PCMTD1: variants seen among roughly 807,000 people sequenced by gnomAD.
PCMTD1 encodes the protein protein-L-isoaspartate (D-aspartate) O-methyltransferase domain containing 1, also known as protein-L-isoaspartate O-methyltransferase domain-containing protein 1.
PCMTD1 carries 12 observed loss-of-function variants against 37.6 expected under a neutral mutation model. The ratio of observed to expected loss-of-function variants is 0.32; its 90% CI spans 0.20 to 0.52. The LOEUF is 0.52. Among genes scored for constraint, PCMTD1 ranks in the 20% least tolerant of loss-of-function variants. The pLI is 0.97. For missense variants in PCMTD1, 235 were observed against 421.3 expected, an observed-to-expected ratio of 0.56 and a Z score of 3.87; for synonymous variants, 117 against 135.8, an observed-to-expected ratio of 0.86 and a Z score of 0.96.
chr8:51,842,853 G>GTT (rs1347707220), intron 3 of PCMTD1, among the ~76,000 whole-genome samples: 2 of 152,082 alleles, frequency 1.3e-5, no homozygotes, highest in Non-Finnish European at 2.9e-5. Context: ...AGAATATTAG[G>GTT]TTTCAGCTAT....
intron 1 of PCMTD1, among the ~76,000 whole-genome samples, chr8:51,886,432 C>A (rs539625634): frequency 6.6e-6 from 1 of 152,280 alleles, no homozygotes; most frequent in South Asian, 2.1e-4. Context: ...TAGATTACTG[C>A]AATGAACTTC....
At chr8:51,848,789 G>A (rs990943735) in intron 2 of PCMTD1, among the ~76,000 whole-genome samples, 3 of 152,000 alleles carry the variant, frequency 2.0e-5, no homozygotes, top group Non-Finnish European at 4.4e-5. Flanking sequence ...CATTAATACT[G>A]AATTGTAAAC....
chr8:51,893,504 A>G (rs1193307177), intron 1 of PCMTD1, among the ~76,000 whole-genome samples: 2 of 152,224 alleles, frequency 1.3e-5, no homozygotes, highest in Non-Finnish European at 2.9e-5. Flanking sequence ...GTTGTACTCC[A>G]TCTTTCACAT....
chr8:51,859,017 C>A (rs756045209), intron 2 of PCMTD1, among the ~76,000 whole-genome samples: 25 of 152,182 alleles, frequency 1.6e-4, no homozygotes, highest in Non-Finnish European at 3.2e-4. Context: ...TCTAAGAAGG[C>A]AACCTCACTG....
At chr8:51,855,637 T>C (rs1345622255) in intron 2 of PCMTD1, among the ~76,000 whole-genome samples, 1 of 151,996 alleles carries the variant, frequency 6.6e-6, no homozygotes, top group African/African-American at 2.4e-5. Context: ...GTATATCTTA[T>C]ACAGAAACCT....
chr8:51,853,076 G>A (rs933112278), intron 2 of PCMTD1, among the ~76,000 whole-genome samples: 1 of 152,184 alleles, frequency 6.6e-6, no homozygotes, highest in Non-Finnish European at 1.5e-5. Flanking sequence ...GATGTTACTT[G>A]AAGAAAGACG....
chr8:51,888,175 T>C (rs1020325615), intron 1 of PCMTD1, among the ~76,000 whole-genome samples: 8 of 152,196 alleles, frequency 5.3e-5, no homozygotes, highest in African/African-American at 9.7e-5. Flanking sequence ...AGCTACCATA[T>C]AGATTCATTC....
rs2037814353 is a variant in PCMTD1, at chr8:51,819,588, TAG to T, written c.*761_*762del. Reference sequence around the variant, plus strand: ...TTCTAAATATACTTTTAAAATTCTATAGAGTTAAGATAACCTCATTTTTTTAA... The same window carrying T: ...TTCTAAATATACTTTTAAAATTCTATAGTTAAGATAACCTCATTTTTTTAA... On this transcript the variant is annotated 3_prime_UTR_variant, in exon 6 of 6. Transcript: ENST00000522514. The T allele has an allele frequency of 1.9e-5, 2 of 104,206 alleles. No individual in the cohort carries two copies. The highest frequency in any genetic ancestry group is 3.5e-4 in the South Asian group (1 of 2,882). 6.5% of individuals were successfully genotyped at this position (104,206 alleles called of 1,614,324 possible).
Position 51,820,118 on chromosome 8 carries a change from A to G in PCMTD1, c.*233T>C. 1 of 328,578 alleles carries G rather than the reference A, an allele frequency of 3.0e-6. No individual in the cohort carries two copies. Among genetic ancestry groups the G allele is most frequent in the Non-Finnish European group, 5.4e-6 (1 of 184,408 alleles). 20.4% of individuals were successfully genotyped at this position (328,578 alleles called of 1,614,324 possible). On this transcript the variant is annotated 3_prime_UTR_variant, in exon 6 of 6. Coordinates refer to ENST00000522514, the MANE Select transcript of PCMTD1 (RefSeq NM_052937.4). ...GACTACTGTTGCATTCCACTTTGAA[A>G]TCACTCTGAGCTAAAACAACATTTT...
intron 5 of PCMTD1, among the ~76,000 whole-genome samples, chr8:51,829,405 C>T (rs2037968511): frequency 6.6e-6 from 1 of 152,198 alleles, no homozygotes; most frequent in Non-Finnish European, 1.5e-5. Context: ...GTGTAAAAAG[C>T]AGCTGGCCAT....
rs1184097818 is a variant in PCMTD1, at chr8:51,831,323, CCACCAAATAT to C, written c.706+111_706+120del. ...AAAAAAAAAAAAAAGTTGAATAAATCCACCAAATATCTTACTGCATAAGTATTTAATTCTT... is the reference window on the plus strand; with the variant it reads ...AAAAAAAAAAAAAAGTTGAATAAATCCTTACTGCATAAGTATTTAATTCTT... On this transcript the variant is annotated intron_variant, in intron 5 of 5. Coordinates refer to ENST00000522514, the MANE Select transcript of PCMTD1 (RefSeq NM_052937.4). 6 of 1,046,512 alleles carry C rather than the reference CCACCAAATAT, an allele frequency of 5.7e-6. No individual in the cohort carries two copies. The African/African-American group carries it at 1.0e-4, about 18-fold the overall frequency. 64.8% of individuals were successfully genotyped at this position (1,046,512 alleles called of 1,614,324 possible).
chr8:51,833,621 T>C lies in PCMTD1; in HGVS notation c.479A>G (p.Tyr160Cys), dbSNP rs2038027190. 1 of 1,612,504 alleles carries C rather than the reference T, an allele frequency of 6.2e-7. No homozygotes were observed. The highest frequency in any genetic ancestry group is 1.3e-5 in the African/African-American group (1 of 74,900). The stretch of plus-strand genomic sequence containing the variant: ...TCCAGCTCCACAATAAATTCGATCA[T>C]ACTGATGACTGTCAGAAGCTATCTG... ...CLQIASDSHQ[Y>C]DRIYCGAGVQ... The change falls in exon 4 of 6, where the codon TAT (tyrosine) becomes TGT (cysteine). Residue 160 changes from tyrosine (Y) to cysteine (C), a missense_variant. Physicochemically the swap from Tyr to Cys is radical, Grantham distance 194. Coordinates refer to ENST00000522514, the MANE Select transcript of PCMTD1 (RefSeq NM_052937.4).
intron 1 of PCMTD1, among the ~76,000 whole-genome samples, chr8:51,877,700 T>C (rs74872588): frequency 0.034 from 5,119 of 152,272 alleles, 124 homozygotes; most frequent in Non-Finnish European, 0.054. Context: ...TGCCCTGAGA[T>C]GGACACTCAT....
intron 1 of PCMTD1, among the ~76,000 whole-genome samples, chr8:51,894,116 G>A (rs764088745): frequency 3.4e-4 from 51 of 152,034 alleles, no homozygotes; most frequent in Admixed American, 1.1e-3. Flanking sequence ...AGGGAAATAC[G>A]GTGTACGCTG....
chr8:51,830,317 T>C (rs1012769390), intron 5 of PCMTD1, among the ~76,000 whole-genome samples: 14 of 152,226 alleles, frequency 9.2e-5, no homozygotes, highest in African/African-American at 3.4e-4. Context: ...AACTTGCTCA[T>C]GAAGCAGGTT....
chr8:51,820,228 T>TG lies in PCMTD1; in HGVS notation c.*122dup. The stretch of plus-strand genomic sequence containing the variant: ...CATTTGTGTTACTGACAGAAACAAG[T>TG]GATTTTTTTTCCACTATAATTTGCT... On this transcript the variant is annotated 3_prime_UTR_variant, in exon 6 of 6. Coordinates refer to ENST00000522514, the MANE Select transcript of PCMTD1 (RefSeq NM_052937.4). 1 of 549,976 alleles carries TG rather than the reference T, an allele frequency of 1.8e-6. No homozygotes were observed. 34.1% of individuals were successfully genotyped at this position (549,976 alleles called of 1,614,324 possible). A position where few individuals can be genotyped will look rare whatever the true frequency, so the allele number is the denominator to read the frequency against.
intron 1 of PCMTD1, among the ~76,000 whole-genome samples, chr8:51,889,080 T>C (rs79834100): frequency 0.054 from 8,277 of 152,280 alleles, 246 homozygotes; most frequent in African/African-American, 0.081. Flanking sequence ...ACATTCTCCT[T>C]GCTTTTCCTA....
chr8:51,840,286 A>T (rs1433309285), intron 3 of PCMTD1, among the ~76,000 whole-genome samples: 1 of 152,150 alleles, frequency 6.6e-6, no homozygotes, highest in East Asian at 1.9e-4. Context: ...GTATTTCAAC[A>T]ATTTCTTCTC....
At chr8:51,853,366 G>A (rs981824708) in intron 2 of PCMTD1, among the ~76,000 whole-genome samples, 5 of 152,110 alleles carry the variant, frequency 3.3e-5, no homozygotes, top group African/African-American at 1.2e-4. Flanking sequence ...ATCCAACTCA[G>A]CCTAGGGAAG....
Sources: gnomAD v4.1 joint callset for allele counts (sites outside exome capture counted in the v4.1 genomes callset) on GRCh38, gnomAD v4.1.1 for gene constraint, MANE v1.5 for transcripts, NCBI Gene and HGNC (gene_info 2026-07-23, HGNC 2026-07-21) for gene names.